CWH43: variants seen among roughly 807,000 people sequenced by gnomAD.
CWH43 encodes the protein cell wall biogenesis 43 C-terminal homolog, also known as PGAP2-interacting protein.
CWH43 carries 91 observed loss-of-function variants against 85.7 expected under a neutral mutation model. The observed-to-expected ratio is 1.06, with a 90% CI of 0.90 to 1.26. CWH43 has a LOEUF of 1.26. Ranked by LOEUF, CWH43 falls within the 50% of genes most tolerant of loss-of-function variation. The pLI is 0.00. For synonymous variants in CWH43, 323 were observed against 293.6 expected (o/e 1.10, Z -1.02); for missense variants, 869 against 839.2 (o/e 1.04, Z -0.44).
In CWH43 at chr4:49,012,561, T is replaced by A. The variant is rs139194921; in HGVS notation, c.1187-4688T>A. 8.9e-3 allele frequency among the ~76,000 whole-genome samples: 1,351 copies of A among 152,324 alleles called. 20 individuals carry two copies. Among genetic ancestry groups the A allele is most frequent in the Middle Eastern group, 0.041 (12 of 294 alleles). ...TTGGAGGAGAAGAGGCACTCTGGTT[T>A]TTAGAATTTTTGGCTTTTCTGATCT... On this transcript the variant is annotated intron_variant, in intron 8 of 15. Transcript: ENST00000226432.
Position 49,028,665 on chromosome 4 carries a change from T to C in CWH43, c.1303T>C (p.Phe435Leu). The C allele has an allele frequency of 6.2e-7, 1 of 1,613,842 alleles. No individual in the cohort carries two copies. Among genetic ancestry groups the C allele is most frequent in the Non-Finnish European group, 8.5e-7 (1 of 1,179,816 alleles). ...AGAGGTCTCTGCTGCCATCTGGCCT[T>C]TCAGGTTTGGATATGACAATGAAGG... Reference protein sequence around the residue: ...TKEVSAAIWPFRFGYDNEGWS... With the variant: ...TKEVSAAIWPLRFGYDNEGWS... Residue 435 changes from phenylalanine (F) to leucine (L), a missense_variant, in exon 10 of 16, where the codon TTC (phenylalanine) becomes CTC (leucine). Around this residue, in one of 3 missense-constraint regions of CWH43, gnomAD observed 577 missense variants for 513.1 expected, o/e 1.12. Transcript: ENST00000226432.
In CWH43 at chr4:49,039,320, T is replaced by TATATATATATATATATATATACTG. The variant is rs71191284; in HGVS notation, c.1803+1153_1803+1154insTATATATACTGATATATATATATA. On this transcript the variant is annotated intron_variant, in intron 13 of 15. Transcript: ENST00000226432. ...CTCAGGAGACTGATATATATATATATATATATATATATACTGATGTATATA... is the reference window on the plus strand; with the variant it reads ...CTCAGGAGACTGATATATATATATATATATATATATATATATATATACTGATATATATATATACTGATGTATATA... Among the ~76,000 whole-genome samples the TATATATATATATATATATATACTG allele has an allele frequency of 2.6e-3, 79 of 30,234 alleles. 19 individuals are homozygous for TATATATATATATATATATATACTG. Among genetic ancestry groups the TATATATATATATATATATATACTG allele is most frequent in the Non-Finnish European group, 5.1e-3 (60 of 11,862 alleles). The allele number at this position is 30,234 out of a possible 152,430, so 19.8% of individuals were successfully genotyped here.
intron 14 of CWH43, among the ~76,000 whole-genome samples, chr4:49,049,036 G>C (rs764835109): frequency 6.6e-6 from 1 of 152,162 alleles, no homozygotes; most frequent in Non-Finnish European, 1.5e-5. Flanking sequence ...AGATTCTTCA[G>C]TTTCAAGGCT....
Position 48,991,936 on chromosome 4 carries a change from G to C in CWH43, c.357G>C (p.Arg119Ser). 7 of 1,611,102 alleles carry C rather than the reference G, an allele frequency of 4.3e-6. No homozygotes were observed. The highest frequency in any genetic ancestry group is 5.9e-6 in the Non-Finnish European group (7 of 1,177,834). The change falls in exon 4 of 16, where the codon AGG (arginine) becomes AGC (serine). Residue 119 changes from arginine to serine, a missense_variant and splice_region_variant. Arg to Ser is a moderately radical substitution (Grantham distance 110). Around this residue, in one of 3 missense-constraint regions of CWH43, gnomAD observed 152 missense variants for 203.6 expected, o/e 0.75. Coordinates refer to ENST00000226432, the MANE Select transcript of CWH43 (RefSeq NM_025087.3). The stretch of plus-strand genomic sequence containing the variant: ...TTTAAAAATACTTTTGCACTTACAG[G>C]TACCTCAGAATTTGGGGATTCATTT... Reference protein sequence around the residue: ...VTWWSGSHLQRYLRIWGFILG... With the variant: ...VTWWSGSHLQSYLRIWGFILG...
intron 14 of CWH43, among the ~76,000 whole-genome samples, 199 bp from the exon 15 acceptor site, chr4:49,050,495 A>G (rs772167330): frequency 6.6e-6 from 1 of 152,212 alleles, no homozygotes; most frequent in Non-Finnish European, 1.5e-5. Context: ...ATCTATGTAC[A>G]TATTCTTTAT....
At chr4:49,016,856 A>G (rs1783563333) in intron 8 of CWH43, 3 of 782,338 alleles carry the variant, frequency 3.8e-6, no homozygotes, top group Non-Finnish European at 7.1e-6. Context: ...CCCCAAAGAC[A>G]TGCCTTCTCT....
intron 8 of CWH43, chr4:49,016,562 A>G: frequency 1.0e-5 from 7 of 691,710 alleles, no homozygotes; most frequent in South Asian, 9.6e-5. Context: ...GGTCTCAACC[A>G]TTACAGGGTG....
intron 9 of CWH43, among the ~76,000 whole-genome samples, chr4:49,019,210 T>G (rs910205670): frequency 5.9e-5 from 9 of 152,186 alleles, no homozygotes; most frequent in Non-Finnish European, 1.2e-4. Flanking sequence ...AGAAATGGTC[T>G]CCTTTTAGAT....
rs146104899 is a variant in CWH43, at chr4:48,991,986, T to A, written c.407T>A (p.Leu136Gln). 1.2e-6 allele frequency: 2 copies of A among 1,613,958 alleles called. No homozygotes were observed. The highest frequency in any genetic ancestry group is 4.5e-5 in the East Asian group (2 of 44,854). Reference protein sequence around the residue: ...FILGQIVLVVLRIWYTSLNPI... With the variant: ...FILGQIVLVVQRIWYTSLNPI... The stretch of plus-strand genomic sequence containing the variant: ...TTAGGACAGATTGTTCTTGTTGTTC[T>A]ACGCATATGGTATACTTCACTAAAC... The change falls in exon 4 of 16, where the codon CTA becomes CAA. Residue 136 changes from leucine (L) to glutamine (Q), a missense_variant. Physicochemically the swap from Leu to Gln is moderately radical, Grantham distance 113. This residue lies in a region of CWH43 where 152 missense variants were observed against 203.6 expected (regional missense o/e 0.75). Coordinates refer to ENST00000226432, the MANE Select transcript of CWH43 (RefSeq NM_025087.3).
At chr4:49,013,335 A>C (rs1338546170) in intron 8 of CWH43, among the ~76,000 whole-genome samples, 1 of 152,258 alleles carries the variant, frequency 6.6e-6, no homozygotes, top group Non-Finnish European at 1.5e-5. Context: ...GCCGGTTGCT[A>C]AGACCATGGG....
chr4:49,024,646 AT>A (rs1783849707), intron 9 of CWH43, among the ~76,000 whole-genome samples: 1 of 152,054 alleles, frequency 6.6e-6, no homozygotes, highest in Admixed American at 6.6e-5. Flanking sequence ...TTGGCTGATA[AT>A]TTTTTGGTTT....
Position 49,051,840 on chromosome 4 carries a change from G to A in CWH43, c.2021+991G>A, listed in dbSNP as rs181420517. On this transcript the variant is annotated intron_variant, in intron 15 of 15. Coordinates refer to ENST00000226432, the MANE Select transcript of CWH43 (RefSeq NM_025087.3). ...GACCCACCTGCCTCTGCCTCCCAAA[G>A]GGCTGGGATTACAGGTGTGAGCCAC... Among the ~76,000 whole-genome samples, 265 of 152,266 alleles carry A rather than the reference G, an allele frequency of 1.7e-3. 1 individual carries two copies. The highest frequency in any genetic ancestry group is 5.9e-3 in the African/African-American group (247 of 41,550).
chr4:49,023,531 C>T (rs1384455355), intron 9 of CWH43, among the ~76,000 whole-genome samples: 1 of 152,124 alleles, frequency 6.6e-6, no homozygotes. Context: ...TGCACCACCA[C>T]ATCCAGCTAA....
At chr4:49,035,888 C>G (rs1185997349) in intron 12 of CWH43, among the ~76,000 whole-genome samples, 1 of 152,132 alleles carries the variant, frequency 6.6e-6, no homozygotes, top group Non-Finnish European at 1.5e-5. Flanking sequence ...TTTTCTGGAT[C>G]TGGATTTGAA....
rs565719414 is a variant in CWH43 at position 48,996,715 on chromosome 4, T to C, written c.714-1745T>C. Among the ~76,000 whole-genome samples the C allele has an allele frequency of 9.5e-4, 145 of 152,296 alleles. 1 individual carries two copies. In the South Asian group the frequency reaches 0.028, roughly 30 times the overall value. On this transcript the variant is annotated intron_variant, in intron 5 of 15. Coordinates refer to ENST00000226432, the MANE Select transcript of CWH43 (RefSeq NM_025087.3). ...CCTGGTAACCAGGAGAAACTCACCA[T>C]TCAACTCTGGGCCAATCATATTACA...
At chr4:49,027,983 T>C (rs1303545086) in intron 9 of CWH43, among the ~76,000 whole-genome samples, 2 of 152,126 alleles carry the variant, frequency 1.3e-5, no homozygotes, top group African/African-American at 2.4e-5. Flanking sequence ...GTTACATCAT[T>C]CATAACTAGG....
chr4:49,027,365 G>A (rs895762816), intron 9 of CWH43, among the ~76,000 whole-genome samples: 23 of 152,170 alleles, frequency 1.5e-4, no homozygotes, highest in African/African-American at 5.1e-4. Flanking sequence ...CATTTCCTGA[G>A]AAGAATGAAG....
chr4:49,020,998 T>C (rs1236867708), intron 9 of CWH43, among the ~76,000 whole-genome samples: 1 of 152,208 alleles, frequency 6.6e-6, no homozygotes, highest in Non-Finnish European at 1.5e-5. Context: ...CCCCCTACTT[T>C]GTGAGTTGTC....
chr4:49,043,333 A>G (rs1209910556), intron 13 of CWH43, among the ~76,000 whole-genome samples: 8 of 152,176 alleles, frequency 5.3e-5, no homozygotes, highest in Admixed American at 3.3e-4. Flanking sequence ...ACAAGATGAA[A>G]TTTGGCAAGT....
Sources: gnomAD v4.1 joint callset for allele counts (sites outside exome capture counted in the v4.1 genomes callset) on GRCh38, gnomAD v4.1.1 for gene constraint, gnomAD v4.1.1 regional missense constraint, MANE v1.5 for transcripts, NCBI Gene and HGNC (gene_info 2026-07-23, HGNC 2026-07-21) for gene names.